Variants in ARHGAP15 observed in about 807,000 individuals in gnomAD.
ARHGAP15 encodes the protein rho GTPase-activating protein 15.
A neutral mutation model predicts 63.7 loss-of-function variants in ARHGAP15; 51 were observed. The observed-to-expected ratio is 0.80, with a 90% CI of 0.64 to 1.01. The LOEUF is 1.01. Among genes scored for constraint, ARHGAP15 ranks in the 50% least tolerant of loss-of-function variants. The pLI, the probability that ARHGAP15 is intolerant of heterozygous loss-of-function variation, is 0.00. For missense variants in ARHGAP15, 560 were observed against 564.6 expected (o/e 0.99, Z 0.08); for synonymous variants, 191 against 193.8 (o/e 0.99, Z 0.12).
intron 6 of ARHGAP15, among the ~76,000 whole-genome samples, chr2:143,333,742 T>C (rs1684650135): frequency 6.6e-6 from 1 of 152,128 alleles, no homozygotes; most frequent in African/African-American, 2.4e-5. Flanking sequence ...ACTGCTGCAA[T>C]GTTATAGCAT....
chr2:143,721,496 G>A (rs1006649066), intron 13 of ARHGAP15, among the ~76,000 whole-genome samples: 2 of 152,284 alleles, frequency 1.3e-5, no homozygotes, highest in Admixed American at 1.3e-4. Flanking sequence ...CTGTGGCAGG[G>A]GGATATCAGC....
At chr2:143,248,464 A>G (rs930073965) in intron 5 of ARHGAP15, among the ~76,000 whole-genome samples, 7 of 152,170 alleles carry the variant, frequency 4.6e-5, no homozygotes, top group Non-Finnish European at 1.0e-4. Context: ...TTCAATTTTT[A>G]AGGGCTGCAT....
intron 2 of ARHGAP15, among the ~76,000 whole-genome samples, chr2:143,177,794 T>C (rs1244759188): frequency 6.6e-6 from 1 of 152,230 alleles, no homozygotes; most frequent in Non-Finnish European, 1.5e-5. Flanking sequence ...CTGTCTTCTC[T>C]TAAGCCAGAC....
At chr2:143,146,743 G>T (rs181070204) in intron 1 of ARHGAP15, among the ~76,000 whole-genome samples, 2 of 152,136 alleles carry the variant, frequency 1.3e-5, no homozygotes, top group East Asian at 1.9e-4. Flanking sequence ...TATAGTTATT[G>T]TCCTTCACAA....
At chr2:143,511,808 T>C (rs1335770354) in intron 9 of ARHGAP15, among the ~76,000 whole-genome samples, 1 of 152,236 alleles carries the variant, frequency 6.6e-6, no homozygotes, top group Non-Finnish European at 1.5e-5. Flanking sequence ...CTAGGTGTAT[T>C]AGATTTACAA....
intron 6 of ARHGAP15, among the ~76,000 whole-genome samples, chr2:143,429,693 T>C (rs1484923946): frequency 1.3e-5 from 2 of 152,090 alleles, no homozygotes; most frequent in South Asian, 2.1e-4. Flanking sequence ...AATGCTGAGA[T>C]CCATTGGTGG....
At chr2:143,462,579 T>C (rs1690997890) in intron 8 of ARHGAP15, among the ~76,000 whole-genome samples, 1 of 152,202 alleles carries the variant, frequency 6.6e-6, no homozygotes, top group East Asian at 1.9e-4. Context: ...ATGAGCGTCC[T>C]TCTCCAAAAA....
chr2:143,621,614 C>A (rs1335007099), intron 11 of ARHGAP15, among the ~76,000 whole-genome samples: 1 of 152,128 alleles, frequency 6.6e-6, no homozygotes, highest in East Asian at 1.9e-4. Flanking sequence ...TGCCGAAGGG[C>A]TACAAATTAT....
intron 6 of ARHGAP15, among the ~76,000 whole-genome samples, chr2:143,367,190 A>G (rs1686332673): frequency 6.6e-6 from 1 of 152,000 alleles, no homozygotes; most frequent in African/African-American, 2.4e-5. Context: ...TGTTTGCTTC[A>G]TCAACCTCTC....
At chr2:143,320,028 ATAT>A (rs1380314879) in intron 6 of ARHGAP15, among the ~76,000 whole-genome samples, 2 of 152,214 alleles carry the variant, frequency 1.3e-5, no homozygotes, top group Non-Finnish European at 1.5e-5. Flanking sequence ...ATTGTAATAA[ATAT>A]TATTGTAAGT....
At chr2:143,371,122 T>C (rs1686530451) in intron 6 of ARHGAP15, among the ~76,000 whole-genome samples, 1 of 152,198 alleles carries the variant, frequency 6.6e-6, no homozygotes, top group African/African-American at 2.4e-5. Flanking sequence ...AGAATATTAT[T>C]GGATATAGAA....
intron 3 of ARHGAP15, among the ~76,000 whole-genome samples, chr2:143,207,162 A>G (rs1429691813): frequency 1.3e-5 from 2 of 151,980 alleles, no homozygotes; most frequent in African/African-American, 4.8e-5. Flanking sequence ...TTCAAAATTT[A>G]CCTGCCTACT....
intron 13 of ARHGAP15, among the ~76,000 whole-genome samples, chr2:143,740,921 T>TG (rs1169544918): frequency 6.6e-6 from 1 of 151,956 alleles, no homozygotes; most frequent in Non-Finnish European, 1.5e-5. Flanking sequence ...TGTGGTTAAT[T>TG]GAAAAAAAAA....
intron 6 of ARHGAP15, among the ~76,000 whole-genome samples, chr2:143,398,899 T>G (rs1048458333): frequency 6.6e-6 from 1 of 152,024 alleles, no homozygotes; most frequent in Non-Finnish European, 1.5e-5. Context: ...TGACTTTTAT[T>G]AAACTCCTAC....
rs376158780 is a variant in ARHGAP15 at position 143,693,027 on chromosome 2, GT to G, written c.1139-10383del. On this transcript the variant is annotated intron_variant, in intron 12 of 13. Transcript: ENST00000295095. ...ATGCCTGTAAGCATTTAAAGTGATA[GT>G]TTTTTTTTAATGGAATGATAGGTGT... 3.3e-3 allele frequency among the ~76,000 whole-genome samples: 498 copies of G among 151,306 alleles called. 5 individuals are homozygous for G. Among genetic ancestry groups the G allele is most frequent in the African/African-American group, 0.011 (470 of 41,292 alleles).
intron 6 of ARHGAP15, among the ~76,000 whole-genome samples, chr2:143,407,987 G>GGA (rs1553475707): frequency 1.3e-5 from 1 of 77,422 alleles, no homozygotes; most frequent in African/African-American, 4.5e-5. Context: ...TTCTGTGTGT[G>GGA]TATATATATA....
intron 6 of ARHGAP15, among the ~76,000 whole-genome samples, chr2:143,423,830 G>A (rs938717156): frequency 6.6e-6 from 1 of 152,030 alleles, no homozygotes; most frequent in Non-Finnish European, 1.5e-5. Flanking sequence ...TATGATGTAG[G>A]TATTATTGTT....
chr2:143,715,252 T>C (rs1228262324), intron 13 of ARHGAP15, among the ~76,000 whole-genome samples: 2 of 152,196 alleles, frequency 1.3e-5, no homozygotes, highest in African/African-American at 2.4e-5. Flanking sequence ...ACTTATTCGC[T>C]ATCACGAGAA....
intron 10 of ARHGAP15, among the ~76,000 whole-genome samples, chr2:143,537,986 C>A (rs1302750589): frequency 1.3e-5 from 2 of 152,124 alleles, no homozygotes; most frequent in East Asian, 3.8e-4. Flanking sequence ...GCCATTTTCA[C>A]GATATTGATT....
Sources: allele counts gnomAD v4.1 joint callset (sites outside exome capture counted in the v4.1 genomes callset), GRCh38; gene constraint gnomAD v4.1.1; transcripts MANE v1.5; gene names NCBI Gene and HGNC (gene_info 2026-07-23, HGNC 2026-07-21).